HNF4A: variants seen among roughly 807,000 people sequenced by gnomAD.
HNF4A encodes hepatocyte nuclear factor 4 alpha.
HNF4A carries 15 observed loss-of-function variants against 52.4 expected under a neutral mutation model. The ratio of observed to expected loss-of-function variants is 0.29; its 90% confidence interval spans 0.19 to 0.44. The LOEUF (loss-of-function observed/expected upper bound fraction) is 0.44. Ranked by LOEUF, HNF4A falls within the 20% of genes least tolerant of loss-of-function variation. The pLI is 1.00. For missense variants in HNF4A, 479 were observed against 647.2 expected, an observed-to-expected ratio of 0.74 and a Z score of 2.82; for synonymous variants, 280 against 264.4, an observed-to-expected ratio of 1.06 and a Z score of -0.57.
chr20:44,372,137 C>T (rs2063040514), intron 1 of HNF4A, among the ~76,000 whole-genome samples: 1 of 152,188 alleles, frequency 6.6e-6, no homozygotes, highest in Admixed American at 6.5e-5. Flanking sequence ...ATCACTGAGA[C>T]CAAAGCAGAG....
intron 1 of HNF4A, among the ~76,000 whole-genome samples, chr20:44,359,384 C>T (rs928857759): frequency 5.3e-5 from 8 of 151,992 alleles, no homozygotes; most frequent in Admixed American, 3.9e-4. Flanking sequence ...AGGTTTTCCT[C>T]AGTGCCCTTG....
intron 1 of HNF4A, among the ~76,000 whole-genome samples, chr20:44,365,546 A>T (rs1241927347): frequency 6.6e-6 from 1 of 152,164 alleles, no homozygotes; most frequent in African/African-American, 2.4e-5. Flanking sequence ...AGCAAATGTG[A>T]CAGAATGCAA....
chr20:44,382,216 G>C (rs972894439), intron 1 of HNF4A, among the ~76,000 whole-genome samples: 1 of 151,488 alleles, frequency 6.6e-6, no homozygotes, highest in Non-Finnish European at 1.5e-5. Context: ...TATTCTTCAA[G>C]GGGCATAGCT....
upstream of HNF4A, among the ~76,000 whole-genome samples, chr20:44,397,724 A>T (rs1444221728): frequency 2.6e-5 from 4 of 151,754 alleles, no homozygotes; most frequent in Non-Finnish European, 5.9e-5. Context: ...GGTTCAAGTG[A>T]TTCTCCTGCC....
intron 1 of HNF4A, among the ~76,000 whole-genome samples, chr20:44,387,442 G>A (rs910376132): frequency 7.9e-5 from 12 of 151,394 alleles, no homozygotes; most frequent in Non-Finnish European, 1.6e-4. Flanking sequence ...GGTTGGACAC[G>A]GAGGGATATA....
At chr20:44,427,805 C>T (rs1226912519) in intron 8 of HNF4A, among the ~76,000 whole-genome samples, 1 of 152,134 alleles carries the variant, frequency 6.6e-6, no homozygotes, top group Non-Finnish European at 1.5e-5. Context: ...GGGATTTGGG[C>T]TTATGGACAT....
At chr20:44,372,285 T>C (rs944294586) in intron 1 of HNF4A, among the ~76,000 whole-genome samples, 3 of 152,240 alleles carry the variant, frequency 2.0e-5, no homozygotes, top group South Asian at 2.1e-4. Flanking sequence ...TCAGATTCTA[T>C]AGCAGTGTAC....
intron 1 of HNF4A, among the ~76,000 whole-genome samples, chr20:44,371,118 C>T (rs1249995106): frequency 1.3e-5 from 2 of 152,192 alleles, no homozygotes; most frequent in Admixed American, 6.5e-5. Context: ...CAGGCAAACC[C>T]AGCTGCCTGC....
chr20:44,412,359 A>G (rs963255140), intron 3 of HNF4A, among the ~76,000 whole-genome samples: 1 of 152,298 alleles, frequency 6.6e-6, no homozygotes, highest in East Asian at 1.9e-4. Flanking sequence ...GGGTGTCTGA[A>G]AGGCGACATT....
At chr20:44,363,706 CTTTTTTTT>C in intron 1 of HNF4A, among the ~76,000 whole-genome samples, 1 of 107,496 alleles carries the variant, frequency 9.3e-6, no homozygotes, top group African/African-American at 3.3e-5. Flanking sequence ...TCCATCTACT[CTTTTTTTT>C]TTTTTTTTTT....
At position 44,378,139 on chromosome 20, in the gene HNF4A, T is replaced by A. The variant is rs75700823; in HGVS notation, c.49+22286T>A. On this transcript the variant is annotated intron_variant, in intron 1 of 9. Coordinates refer to the HNF4A transcript ENST00000316673. Reference sequence around the variant, plus strand: ...ATTACTAGAGAAGGAGAGGCTCTTTTGCCATTTGAGCTTCCTACATTATGA... The same window carrying A: ...ATTACTAGAGAAGGAGAGGCTCTTTAGCCATTTGAGCTTCCTACATTATGA... Among the ~76,000 whole-genome samples, 550 of 152,340 alleles carry A rather than the reference T, an allele frequency of 3.6e-3. 2 individuals carry two copies. The highest frequency in any genetic ancestry group is 0.013 in the African/African-American group (527 of 41,578).
chr20:44,409,000 C>G lies in HNF4A; in HGVS notation c.385+1525C>G, dbSNP rs113177730. 6.6e-4 allele frequency among the ~76,000 whole-genome samples: 101 copies of G among 152,144 alleles called. 1 individual carries two copies. Among genetic ancestry groups the G allele is most frequent in the African/African-American group, 2.3e-3 (96 of 41,516 alleles). The stretch of plus-strand genomic sequence containing the variant: ...GGGGAGGCTTTGGTAGACTCTCTTT[C>G]CCCTGTATCTGCTCCTGGCCCCCTG... On this transcript the variant is annotated intron_variant, in intron 3 of 9. Transcript: ENST00000316099.
intron 1 of HNF4A, among the ~76,000 whole-genome samples, chr20:44,394,394 A>T (rs897869420): frequency 6.6e-6 from 1 of 152,096 alleles, no homozygotes; most frequent in East Asian, 1.9e-4. Context: ...CCAACCCTCA[A>T]ATAAAATATT....
intron 1 of HNF4A, among the ~76,000 whole-genome samples, chr20:44,361,687 C>T (rs1029857240): frequency 6.6e-6 from 1 of 151,560 alleles, no homozygotes; most frequent in Non-Finnish European, 1.5e-5. Context: ...CAAAACCAAA[C>T]CAAAACAAAA....
downstream of HNF4A, chr20:44,434,529 G>GC (rs1187636740): frequency 2.7e-5 from 4 of 149,578 alleles, 1 homozygote; most frequent in African/African-American, 1.0e-4. Flanking sequence ...GGGGGGGGGG[G>GC]GGTGGAGGCC....
chr20:44,381,209 A>C (rs1239594405), intron 1 of HNF4A, among the ~76,000 whole-genome samples: 1 of 151,790 alleles, frequency 6.6e-6, no homozygotes, highest in African/African-American at 2.4e-5. Context: ...TTTGAGCCTC[A>C]AGTTTCCTCC....
downstream of HNF4A, chr20:44,433,607 G>A (rs1348911890): frequency 6.6e-6 from 1 of 152,282 alleles, no homozygotes; most frequent in Non-Finnish European, 1.5e-5. Context: ...CTTCAGCCCA[G>A]GAGTTCGAGG....
intron 2 of HNF4A, among the ~76,000 whole-genome samples, chr20:44,406,959 C>T (rs973334462): frequency 3.9e-5 from 6 of 152,206 alleles, no homozygotes; most frequent in African/African-American, 1.4e-4. Context: ...CACGGTGTGG[C>T]ACTGCCTCTA....
intron 3 of HNF4A, 138 bp from the exon 4 acceptor site, chr20:44,413,556 C>A: frequency 1.4e-6 from 1 of 711,830 alleles, no homozygotes. Context: ...AGGCCATCTC[C>A]CCTCATTCCA....
Sources: allele counts gnomAD v4.1 joint callset (sites outside exome capture counted in the v4.1 genomes callset), GRCh38; gene constraint gnomAD v4.1.1; transcripts MANE v1.5; gene names NCBI Gene and HGNC (gene_info 2026-07-23, HGNC 2026-07-21).